Variants in EDIL3 observed in about 807,000 individuals in gnomAD.
The protein encoded by EDIL3 is EGF like and discoidin domains 3.
EDIL3 carries 37 observed loss-of-function variants against 67.4 expected under a neutral mutation model. The ratio of observed to expected loss-of-function variants is 0.55; its 90% CI spans 0.42 to 0.72. The LOEUF is 0.72. Ranked by LOEUF, EDIL3 falls within the 30% of genes least tolerant of loss-of-function variation. The pLI is 0.00. For missense variants in EDIL3, 527 were observed against 586.3 expected, an observed-to-expected ratio of 0.90 and a Z score of 1.04; for synonymous variants, 195 against 196.3, an observed-to-expected ratio of 0.99 and a Z score of 0.05.
intron 3 of EDIL3, among the ~76,000 whole-genome samples, chr5:84,205,768 T>A (rs347346): frequency 2.0e-5 from 3 of 151,812 alleles, no homozygotes; most frequent in South Asian, 2.1e-4. Context: ...ATCACCTTTA[T>A]CATTTTTTAT....
intron 5 of EDIL3, among the ~76,000 whole-genome samples, chr5:84,111,775 G>A (rs1054246386): frequency 6.6e-6 from 1 of 152,198 alleles, no homozygotes. Context: ...AGCTGGCTAT[G>A]TTTACAGTAC....
intron 9 of EDIL3, among the ~76,000 whole-genome samples, chr5:84,051,069 G>C (rs1224338099): frequency 6.6e-6 from 1 of 152,144 alleles, no homozygotes; most frequent in Admixed American, 6.5e-5. Flanking sequence ...CCCCCAGTAG[G>C]GGCAGACTGA....
chr5:84,166,381 GT>G (rs2112344516), intron 4 of EDIL3, among the ~76,000 whole-genome samples: 1 of 152,122 alleles, frequency 6.6e-6, no homozygotes, highest in African/African-American at 2.4e-5. Flanking sequence ...TGTTTTGTTT[GT>G]TTGTTTGTCT....
chr5:84,008,580 A>G (rs62364185), intron 9 of EDIL3, among the ~76,000 whole-genome samples: 7,067 of 152,202 alleles, frequency 0.046, 240 homozygotes, highest in African/African-American at 0.084. Flanking sequence ...ACCAGAAAGG[A>G]TTAGCCAGAG....
At chr5:83,971,059 TATTA>T (rs896094999) in intron 9 of EDIL3, among the ~76,000 whole-genome samples, 11 of 151,844 alleles carry the variant, frequency 7.2e-5, no homozygotes, top group African/African-American at 2.6e-4. Context: ...TTCATTTATT[TATTA>T]TTTTCCTCTG....
chr5:84,346,644 T>C (rs915601748), intron 1 of EDIL3, among the ~76,000 whole-genome samples: 5 of 152,208 alleles, frequency 3.3e-5, no homozygotes, highest in African/African-American at 1.2e-4. Context: ...TCAACTTTTA[T>C]CCATTTTAAA....
At chr5:84,334,413 A>G (rs981978229) in intron 1 of EDIL3, among the ~76,000 whole-genome samples, 1 of 152,114 alleles carries the variant, frequency 6.6e-6, no homozygotes, top group Non-Finnish European at 1.5e-5. Flanking sequence ...GAAAAAATGA[A>G]AAGTTTGTCT....
At chr5:84,351,333 C>T (rs1462424387) in intron 1 of EDIL3, among the ~76,000 whole-genome samples, 3 of 152,076 alleles carry the variant, frequency 2.0e-5, no homozygotes, top group Non-Finnish European at 4.4e-5. Context: ...CTTTTAAGAC[C>T]TCTCATTGAA....
At chr5:84,264,832 G>A (rs1355418135) in intron 1 of EDIL3, among the ~76,000 whole-genome samples, 2 of 152,088 alleles carry the variant, frequency 1.3e-5, no homozygotes, top group East Asian at 3.9e-4. Context: ...AACTCATACT[G>A]ACTTTATAAA....
chr5:84,254,231 C>A lies in EDIL3; in HGVS notation c.68-19G>T, dbSNP rs777310831. 4.7e-5 allele frequency: 74 copies of A among 1,590,174 alleles called. No homozygotes were observed. Among genetic ancestry groups the A allele is most frequent in the African/African-American group, 5.5e-5 (4 of 72,972 alleles). On this transcript the variant is annotated intron_variant, in intron 1 of 10. Coordinates refer to ENST00000296591, the MANE Select transcript of EDIL3 (RefSeq NM_005711.5). ...ATATCACCTAAGGCATAAAAAAAAA[C>A]CGAAATTGACATTTTTTTTTTGTCT... is the stretch of plus-strand genomic sequence containing the variant.
chr5:84,172,092 CAG>C (rs1748822589), intron 4 of EDIL3, among the ~76,000 whole-genome samples: 1 of 152,136 alleles, frequency 6.6e-6, no homozygotes, highest in Admixed American at 6.5e-5. Context: ...CCTTAGTTTA[CAG>C]AGTTAAGGTG....
intron 3 of EDIL3, among the ~76,000 whole-genome samples, chr5:84,197,236 G>A (rs1465008750): frequency 3.3e-5 from 5 of 151,986 alleles, no homozygotes; most frequent in Admixed American, 3.3e-4. Context: ...TGAAATGAGT[G>A]TCAATGTATA....
At chr5:83,965,024 T>C (rs1744665973) in intron 9 of EDIL3, among the ~76,000 whole-genome samples, 1 of 152,074 alleles carries the variant, frequency 6.6e-6, no homozygotes, top group Admixed American at 6.6e-5. Flanking sequence ...TCAAGAGATG[T>C]AACATAATAT....
At chr5:84,158,275 A>G (rs1190197676) in intron 4 of EDIL3, among the ~76,000 whole-genome samples, 1 of 152,064 alleles carries the variant, frequency 6.6e-6, no homozygotes, top group African/African-American at 2.4e-5. Context: ...TTACCAATTT[A>G]CCTCTTAGCT....
intron 6 of EDIL3, among the ~76,000 whole-genome samples, chr5:84,092,371 A>C (rs1398430319): frequency 2.6e-5 from 4 of 152,182 alleles, no homozygotes; most frequent in Non-Finnish European, 5.9e-5. Context: ...ATAATAGCGA[A>C]ATTAGAAAAG....
chr5:84,092,347 CAA>C lies in EDIL3; in HGVS notation c.651+14300_651+14301del, dbSNP rs1321584718. On this transcript the variant is annotated intron_variant, in intron 6 of 10. Coordinates refer to ENST00000296591, the MANE Select transcript of EDIL3 (RefSeq NM_005711.5). Reference sequence around the variant, plus strand: ...CTGAACAAGAAGGCATTTAAAATCTCAAACTTTGTAAATATAATAGCGAAATT... The same window carrying C: ...CTGAACAAGAAGGCATTTAAAATCTCACTTTGTAAATATAATAGCGAAATT... 2.6e-5 allele frequency among the ~76,000 whole-genome samples: 4 copies of C among 152,272 alleles called. No homozygotes were observed. The East Asian group carries it at 5.8e-4, about 22-fold the overall frequency.
chr5:84,257,429 C>T (rs1206467692), intron 1 of EDIL3, among the ~76,000 whole-genome samples: 1 of 152,166 alleles, frequency 6.6e-6, no homozygotes, highest in Admixed American at 6.5e-5. Flanking sequence ...TTCTAATACA[C>T]TCGAAATTTT....
At chr5:84,254,034 T>C (rs1362142660) in intron 2 of EDIL3, 50 bp downstream of exon 2, 1 of 1,533,480 alleles carries the variant, frequency 6.5e-7, no homozygotes, top group Non-Finnish European at 8.8e-7. Flanking sequence ...CTGCCATTTA[T>C]TCATGGAAAT....
intron 9 of EDIL3, among the ~76,000 whole-genome samples, chr5:84,001,304 C>A (rs1745326791): frequency 1.3e-5 from 2 of 152,092 alleles, no homozygotes; most frequent in South Asian, 4.2e-4. Context: ...CTGCCTTGGA[C>A]TCACAAAACG....
Sources: allele counts gnomAD v4.1 joint callset (sites outside exome capture counted in the v4.1 genomes callset), GRCh38; gene constraint gnomAD v4.1.1; transcripts MANE v1.5; gene names NCBI Gene and HGNC (gene_info 2026-07-23, HGNC 2026-07-21).